Variants in IQCM observed in about 807,000 individuals in gnomAD.
IQCM encodes the protein IQ motif containing M, also known as IQ domain-containing protein M.
In IQCM, 45 loss-of-function variants were observed where a neutral mutation model predicts 57.6. The observed-to-expected ratio is 0.78, with a 90% confidence interval of 0.62 to 1.00. IQCM has a LOEUF of 1.00. Ranked by LOEUF, IQCM falls within the 50% of genes least tolerant of loss-of-function variation. The pLI is 0.00. For missense variants in IQCM, 468 were observed against 511.6 expected, an observed-to-expected ratio of 0.91 and a Z score of 0.82; for synonymous variants, 148 against 158.9, an observed-to-expected ratio of 0.93 and a Z score of 0.51.
At chr4:149,790,671 A>G (rs1772516365) in intron 2 of IQCM, among the ~76,000 whole-genome samples, 1 of 152,210 alleles carries the variant, frequency 6.6e-6, no homozygotes, top group South Asian at 2.1e-4. Flanking sequence ...TGTGATTTTA[A>G]TTGTGCAATA....
At chr4:149,474,006 A>G (rs1345633546) in intron 12 of IQCM, among the ~76,000 whole-genome samples, 2 of 152,160 alleles carry the variant, frequency 1.3e-5, no homozygotes, top group Non-Finnish European at 2.9e-5. Flanking sequence ...GGATAGTATT[A>G]GGAGATATAC....
At chr4:149,761,456 T>A (rs576345764) in intron 2 of IQCM, among the ~76,000 whole-genome samples, 12 of 152,102 alleles carry the variant, frequency 7.9e-5, no homozygotes, top group South Asian at 2.1e-4. Flanking sequence ...AATATTGATT[T>A]TCTTTAGAGG....
intron 13 of IQCM, among the ~76,000 whole-genome samples, chr4:149,400,275 C>T (rs1416920462): frequency 1.3e-5 from 2 of 150,984 alleles, no homozygotes; most frequent in Non-Finnish European, 2.9e-5. Flanking sequence ...AGAACATGGA[C>T]CTTAAATTAT....
chr4:149,380,389 C>T (rs1303990922), intron 13 of IQCM, among the ~76,000 whole-genome samples: 4 of 152,056 alleles, frequency 2.6e-5, no homozygotes, highest in African/African-American at 9.7e-5. Context: ...ACCTATTATT[C>T]CAGATGTAAT....
chr4:149,707,512 G>A lies in IQCM; in HGVS notation c.386-21044C>T, dbSNP rs544406599. On this transcript the variant is annotated intron_variant, in intron 5 of 13. Transcript: ENST00000636793. ...TGCTCTCTATCCAGGCATTTTCTCA[G>A]GGCATCCTTGAGGAATGAAGTAACA... 5.1e-4 allele frequency among the ~76,000 whole-genome samples: 78 copies of A among 151,994 alleles called. 2 individuals are homozygous for A. Among genetic ancestry groups the A allele is most frequent in the African/African-American group, 1.8e-3 (74 of 41,498 alleles).
chr4:149,715,263 G>T (rs975874254), intron 5 of IQCM, among the ~76,000 whole-genome samples: 4 of 152,182 alleles, frequency 2.6e-5, no homozygotes, highest in African/African-American at 9.6e-5. Context: ...GCATGGAGTG[G>T]CAAGGGGTGC....
chr4:149,515,945 AGTGGTTAG>A (rs1744914778), intron 12 of IQCM, among the ~76,000 whole-genome samples: 1 of 152,118 alleles, frequency 6.6e-6, no homozygotes, highest in Non-Finnish European at 1.5e-5. Flanking sequence ...TTAATAATCA[AGTGGTTAG>A]GTTGACCCAT....
intron 9 of IQCM, among the ~76,000 whole-genome samples, chr4:149,580,703 T>A (rs1052763558): frequency 8.6e-5 from 13 of 151,784 alleles, no homozygotes; most frequent in African/African-American, 3.1e-4. Context: ...TAGAAAAGGA[T>A]GGGAAAACTA....
At chr4:149,605,192 G>A (rs1754668969) in intron 8 of IQCM, among the ~76,000 whole-genome samples, 1 of 152,166 alleles carries the variant, frequency 6.6e-6, no homozygotes, top group South Asian at 2.1e-4. Context: ...CTACAGTACA[G>A]AAAGAATGTG....
chr4:149,650,745 T>C (rs1759099560), intron 7 of IQCM, among the ~76,000 whole-genome samples: 1 of 152,150 alleles, frequency 6.6e-6, no homozygotes, highest in African/African-American at 2.4e-5. Flanking sequence ...ACCACACAGC[T>C]AAGAAACTAA....
intron 9 of IQCM, among the ~76,000 whole-genome samples, chr4:149,569,389 T>C (rs1259815643): frequency 6.6e-6 from 1 of 152,142 alleles, no homozygotes; most frequent in Non-Finnish European, 1.5e-5. Context: ...GTCAATGTCC[T>C]TGTTGTCAAT....
intron 13 of IQCM, among the ~76,000 whole-genome samples, chr4:149,424,754 T>C (rs1321788096): frequency 6.6e-6 from 1 of 151,992 alleles, no homozygotes; most frequent in African/African-American, 2.4e-5. Context: ...TTTATTTAAC[T>C]ATTCCCCTAT....
chr4:149,589,454 G>A lies in IQCM; in HGVS notation c.682-1457C>T, dbSNP rs979310594. ...AGAGCCAATGTAAAGATGAAACGTG[G>A]AAGAAAGTGTGTTTATCCTGCAAAA... On this transcript the variant is annotated intron_variant, in intron 8 of 13. Transcript: ENST00000636793. 6.2e-4 allele frequency among the ~76,000 whole-genome samples: 95 copies of A among 152,094 alleles called. 1 individual carries two copies. Among genetic ancestry groups the A allele is most frequent in the Admixed American group, 6.6e-4 (10 of 15,228 alleles).
intron 2 of IQCM, among the ~76,000 whole-genome samples, chr4:149,757,110 T>C (rs967657344): frequency 1.8e-4 from 28 of 151,874 alleles, no homozygotes; most frequent in African/African-American, 6.3e-4. Context: ...TACAAAAAAT[T>C]AGCCGGGCAT....
intron 12 of IQCM, among the ~76,000 whole-genome samples, chr4:149,439,800 C>T (rs998860653): frequency 4.0e-5 from 6 of 151,876 alleles, no homozygotes; most frequent in Non-Finnish European, 5.9e-5. Flanking sequence ...TACAATAACA[C>T]AAAAAATTCT....
intron 12 of IQCM, among the ~76,000 whole-genome samples, chr4:149,460,544 C>A (rs1199217948): frequency 6.6e-6 from 1 of 151,992 alleles, no homozygotes; most frequent in African/African-American, 2.4e-5. Flanking sequence ...TATGTTGCCT[C>A]AGGTTACAAA....
intron 12 of IQCM, among the ~76,000 whole-genome samples, chr4:149,487,814 G>C (rs903969740): frequency 2.6e-5 from 4 of 152,090 alleles, no homozygotes; most frequent in Admixed American, 1.3e-4. Context: ...CTGGGAGATG[G>C]GGGTGAGTGA....
At chr4:149,664,240 T>G (rs1579910989) in intron 7 of IQCM, among the ~76,000 whole-genome samples, 1 of 152,144 alleles carries the variant, frequency 6.6e-6, no homozygotes, top group African/African-American at 2.4e-5. Flanking sequence ...ATTTTTTGTA[T>G]CTCCCTGAGC....
intron 13 of IQCM, among the ~76,000 whole-genome samples, chr4:149,397,065 A>G (rs1732280373): frequency 6.6e-6 from 1 of 152,124 alleles, no homozygotes; most frequent in Non-Finnish European, 1.5e-5. Flanking sequence ...ATACCTAGAA[A>G]TAGGATTGCT....
Sources: allele counts gnomAD v4.1 joint callset (sites outside exome capture counted in the v4.1 genomes callset), GRCh38; gene constraint gnomAD v4.1.1; transcripts MANE v1.5; gene names NCBI Gene and HGNC (gene_info 2026-07-23, HGNC 2026-07-21).